Variants in SIL1 observed in about 807,000 individuals in gnomAD.
The protein encoded by SIL1 is SIL1 nucleotide exchange factor, also known as nucleotide exchange factor SIL1.
SIL1 carries 40 observed loss-of-function variants against 49.1 expected under a neutral mutation model. That is an observed-to-expected ratio of 0.81 (90% CI 0.63 to 1.06). The LOEUF (loss-of-function observed/expected upper bound fraction) is 1.06. Ranked by LOEUF, SIL1 falls within the 50% of genes least tolerant of loss-of-function variation. The probability of loss-of-function intolerance (pLI) is 0.00; values close to 1 mark genes in which losing one functional copy is unlikely to be tolerated. For synonymous variants in SIL1, 253 were observed against 250.8 expected (o/e 1.01, Z -0.08); for missense variants, 500 against 572.6 (o/e 0.87, Z 1.29).
intron 7 of SIL1, among the ~76,000 whole-genome samples, chr5:139,014,825 A>C (rs1200445547): frequency 2.6e-5 from 4 of 152,224 alleles, no homozygotes; most frequent in Non-Finnish European, 5.9e-5. Context: ...TGTCACTATA[A>C]GAGTGTGGAA....
chr5:139,002,793 C>T (rs1351268192), intron 7 of SIL1, among the ~76,000 whole-genome samples: 1 of 152,166 alleles, frequency 6.6e-6, no homozygotes, highest in Non-Finnish European at 1.5e-5. Context: ...GCTTACTCCC[C>T]GGTTCCCTCC....
chr5:139,079,330 T>C (rs1581083805), intron 3 of SIL1, among the ~76,000 whole-genome samples: 1 of 152,334 alleles, frequency 6.6e-6, no homozygotes, highest in East Asian at 1.9e-4. Flanking sequence ...ACCAGAGCAG[T>C]GGCTCTCCAG....
chr5:139,021,797 G>A, intron 6 of SIL1: 7 of 172,698 alleles, frequency 4.1e-5, no homozygotes, highest in South Asian at 2.6e-4. Flanking sequence ...TGGGGAGGGG[G>A]GAATAACAAT....
Position 139,064,178 on chromosome 5 carries a change from A to G in SIL1, c.245-13132T>C, listed in dbSNP as rs980084234. ...TTATTTCAGACCAGTATCAGCTACT[A>G]CTGACTTCTACAATTTCCCTAGTGG... On this transcript the variant is annotated intron_variant, in intron 3 of 9. Coordinates refer to ENST00000394817, the MANE Select transcript of SIL1 (RefSeq NM_022464.5). Among the ~76,000 whole-genome samples the G allele has an allele frequency of 3.7e-4, 57 of 152,174 alleles. 1 individual carries two copies. The highest frequency in any genetic ancestry group is 4.8e-5 in the African/African-American group (2 of 41,424).
At chr5:139,109,078 AAGATGG>A in intron 3 of SIL1, among the ~76,000 whole-genome samples, 1 of 152,162 alleles carries the variant, frequency 6.6e-6, no homozygotes, top group African/African-American at 2.4e-5. Context: ...CTTCAAAACT[AAGATGG>A]ACTCCTGTAA....
chr5:139,058,744 C>G (rs1662575633), intron 3 of SIL1, among the ~76,000 whole-genome samples: 1 of 152,174 alleles, frequency 6.6e-6, no homozygotes, highest in South Asian at 2.1e-4. Context: ...TATTTCCTTA[C>G]TTTCTGGTTC....
chr5:139,178,399 G>T (rs928945895), intron 1 of SIL1, among the ~76,000 whole-genome samples: 3 of 152,064 alleles, frequency 2.0e-5, no homozygotes, highest in Non-Finnish European at 4.4e-5. Context: ...ACTCTCCAAA[G>T]GCTTCCCCTG....
At chr5:139,038,174 T>G (rs755545173) in intron 5 of SIL1, among the ~76,000 whole-genome samples, 1 of 152,184 alleles carries the variant, frequency 6.6e-6, no homozygotes, top group Non-Finnish European at 1.5e-5. Flanking sequence ...ACTTATAAAT[T>G]TGGGGGAGAC....
At chr5:139,192,788 A>G (rs1164371032) in intron 1 of SIL1, among the ~76,000 whole-genome samples, 1 of 151,988 alleles carries the variant, frequency 6.6e-6, no homozygotes, top group African/African-American at 2.4e-5. Flanking sequence ...GCTTGAGCCC[A>G]GAAGTTCAAG....
intron 1 of SIL1, among the ~76,000 whole-genome samples, chr5:139,142,645 C>T (rs1751103693): frequency 6.6e-6 from 1 of 152,128 alleles, no homozygotes; most frequent in East Asian, 1.9e-4. Flanking sequence ...ACATCCTCAA[C>T]ATAATAAAAG....
In SIL1 at chr5:139,143,334, CACACACACACATAT is replaced by C. The variant is rs759596386; in HGVS notation, c.-10-15495_-10-15482del. Among the ~76,000 whole-genome samples the C allele has an allele frequency of 2.0e-3, 205 of 100,640 alleles. 3 individuals carry two copies. Among genetic ancestry groups the C allele is most frequent in the Middle Eastern group, 5.6e-3 (1 of 180 alleles). 66.0% of individuals were successfully genotyped at this position (100,640 alleles called of 152,430 possible). ...ACACACACACACACACACACACACA[CACACACACACATAT>C]ATATATATATATATATATGGTTTTT... On this transcript the variant is annotated intron_variant, in intron 1 of 9. Transcript: ENST00000394817.
chr5:139,010,291 C>T (rs1460940881), intron 7 of SIL1, among the ~76,000 whole-genome samples: 4 of 149,510 alleles, frequency 2.7e-5, no homozygotes, highest in African/African-American at 7.4e-5. Flanking sequence ...ACGTAGTTCT[C>T]GAGCCTTGGT....
intron 7 of SIL1, among the ~76,000 whole-genome samples, chr5:138,954,760 G>A (rs150315172): frequency 6.6e-6 from 1 of 152,234 alleles, no homozygotes; most frequent in South Asian, 2.1e-4. Flanking sequence ...CTCAGAGTGA[G>A]GCCTCTGGAT....
chr5:139,025,363 G>C (rs1352194809), intron 6 of SIL1, among the ~76,000 whole-genome samples: 2 of 152,078 alleles, frequency 1.3e-5, no homozygotes, highest in Admixed American at 6.5e-5. Flanking sequence ...GGATGATCTT[G>C]AGCAATTACA....
intron 3 of SIL1, among the ~76,000 whole-genome samples, chr5:139,070,398 A>T (rs1170760331): frequency 2.0e-5 from 3 of 152,228 alleles, no homozygotes; most frequent in Non-Finnish European, 4.4e-5. Flanking sequence ...ACTTGAATGT[A>T]TGAGGATTAT....
At chr5:139,075,479 C>G (rs1222000131) in intron 3 of SIL1, among the ~76,000 whole-genome samples, 1 of 152,072 alleles carries the variant, frequency 6.6e-6, no homozygotes, top group Non-Finnish European at 1.5e-5. Context: ...GTTTTTATGT[C>G]TACTCCTACT....
intron 3 of SIL1, among the ~76,000 whole-genome samples, chr5:139,118,188 T>C (rs1409017220): frequency 1.3e-5 from 2 of 152,352 alleles, no homozygotes; most frequent in East Asian, 1.9e-4. Flanking sequence ...AAAGTCTCTG[T>C]TGAGGGAGAG....
intron 4 of SIL1, among the ~76,000 whole-genome samples, chr5:139,045,209 T>C (rs1769130059): frequency 6.6e-6 from 1 of 152,134 alleles, no homozygotes; most frequent in East Asian, 1.9e-4. Context: ...AATTGAAAAT[T>C]AGCCAGGCAA....
intron 1 of SIL1, among the ~76,000 whole-genome samples, chr5:139,171,461 G>C (rs986942694): frequency 6.6e-6 from 1 of 152,156 alleles, no homozygotes; most frequent in African/African-American, 2.4e-5. Context: ...TGGATTAAGG[G>C]TGGTGCAAGA....
Sources: gnomAD v4.1 joint callset for allele counts (sites outside exome capture counted in the v4.1 genomes callset) on GRCh38, gnomAD v4.1.1 for gene constraint, MANE v1.5 for transcripts, NCBI Gene and HGNC (gene_info 2026-07-23, HGNC 2026-07-21) for gene names.